The following ZFC3H1 variants were observed in gnomAD, a reference collection of about 807,000 sequenced individuals.
ZFC3H1 encodes zinc finger C3H1-type containing, also known as zinc finger C3H1 domain-containing protein.
A neutral mutation model predicts 243.7 loss-of-function variants in ZFC3H1; 71 were observed. The observed-to-expected ratio is 0.29, with a 90% confidence interval of 0.24 to 0.36. The LOEUF is 0.36. ZFC3H1 is among the 10% of genes least tolerant of loss of function. The pLI is 1.00. For missense variants in ZFC3H1, 1,966 were observed against 2,317.1 expected (o/e 0.85, Z 3.11); for synonymous variants, 838 against 813.0 (o/e 1.03, Z -0.52).
At chr12:71,624,605 A>G (rs894696865) in intron 22 of ZFC3H1, among the ~76,000 whole-genome samples, 2 of 152,228 alleles carry the variant, frequency 1.3e-5, no homozygotes, top group African/African-American at 2.4e-5. Flanking sequence ...TGAATATCCA[A>G]AAGTACACAT....
Position 71,616,867 on chromosome 12 carries a change from G to A in ZFC3H1, c.5145-1551C>T, listed in dbSNP as rs940726682. On this transcript the variant is annotated intron_variant, in intron 27 of 34. Transcript: ENST00000378743. ...GAGTTAATCCCTTAACTTCCTCACT[G>A]AAAACTGAGATGGTCAGAAGAGATG... Among the ~76,000 whole-genome samples, 6 of 152,094 alleles carry A rather than the reference G, an allele frequency of 3.9e-5. No homozygotes were observed. The South Asian group carries it at 8.3e-4, about 21-fold the overall frequency.
intron 24 of ZFC3H1, 97 bp from the exon 25 acceptor site, chr12:71,620,412 T>A (rs1879996890): frequency 8.1e-7 from 1 of 1,238,664 alleles, no homozygotes; most frequent in African/African-American, 1.5e-5. Context: ...TGGGAAAAGA[T>A]GACCCCTCCC....
intron 12 of ZFC3H1, 151 bp downstream of exon 12, chr12:71,634,004 T>A: frequency 1.3e-6 from 1 of 793,308 alleles, no homozygotes; most frequent in Non-Finnish European, 1.9e-6. Context: ...GTAAATGTAG[T>A]GTCATTCAAC....
At chr12:71,646,348 T>A (rs183497524) in intron 3 of ZFC3H1, among the ~76,000 whole-genome samples, 2 of 152,214 alleles carry the variant, frequency 1.3e-5, no homozygotes, top group South Asian at 4.1e-4. Context: ...GCTGTGCTGT[T>A]CAATATGGTA....
chr12:71,660,295 T>C (rs543187739), intron 1 of ZFC3H1: 8 of 152,312 alleles, frequency 5.3e-5, no homozygotes, highest in African/African-American at 1.7e-4. Context: ...TCACATTATA[T>C]AAAAGTAGCT....
chr12:71,637,259 A>T (rs17110055), intron 7 of ZFC3H1, among the ~76,000 whole-genome samples, 200 bp from the exon 8 acceptor site: 4,719 of 152,148 alleles, frequency 0.031, 205 homozygotes, highest in African/African-American at 0.11. Context: ...TTACAATTTT[A>T]AAAAAAATCA....
At chr12:71,658,806 T>A (rs1881089660) in intron 1 of ZFC3H1, among the ~76,000 whole-genome samples, 1 of 152,204 alleles carries the variant, frequency 6.6e-6, no homozygotes. Flanking sequence ...CTAGTAAATC[T>A]CTGGTTCTCT....
chr12:71,661,377 T>C (rs77881401), intron 1 of ZFC3H1, among the ~76,000 whole-genome samples: 2,006 of 152,202 alleles, frequency 0.013, 42 homozygotes, highest in African/African-American at 0.045. Context: ...GGATTCAAAA[T>C]AGACCACAAA....
In ZFC3H1 at chr12:71,638,476, G is replaced by A. The variant is rs1191536040; in HGVS notation, c.1667C>T (p.Ser556Leu). The A allele has an allele frequency of 3.1e-6, 5 of 1,612,472 alleles. No homozygotes were observed. The highest frequency in any genetic ancestry group is 4.2e-6 in the Non-Finnish European group (5 of 1,179,516). The stretch of plus-strand genomic sequence containing the variant: ...TGGTGCTGGAGAAAAATACCCCAAT[G>A]AACATTCAGAGAAAAATGGCGGTTG... ...PVQPPFFSEC[S>L]LGYFSPAPSL... The change falls in exon 7 of 35, where the codon TCA becomes TTA. Residue 556 changes from serine (S) to leucine (L), a missense_variant. Ser to Leu is a moderately radical substitution (Grantham distance 145, BLOSUM62 -2). Transcript: ENST00000378743.
At chr12:71,634,055 A>C in intron 12 of ZFC3H1, 100 bp downstream of exon 12, 1 of 1,229,584 alleles carries the variant, frequency 8.1e-7, no homozygotes, top group South Asian at 1.6e-5. Context: ...TTAAGTGAGA[A>C]AATGTATAAT....
Position 71,610,086 on chromosome 12 carries a change from A to T in ZFC3H1, c.*342T>A, listed in dbSNP as rs754914920. 8.5e-5 allele frequency: 14 copies of T among 164,398 alleles called. No individual in the cohort carries two copies. Among genetic ancestry groups the T allele is most frequent in the Admixed American group, 1.9e-4 (3 of 15,730 alleles). 10.2% of individuals were successfully genotyped at this position (164,398 alleles called of 1,614,324 possible). On this transcript the variant is annotated 3_prime_UTR_variant, in exon 35 of 35. Transcript: ENST00000378743. ...GGCATCAGAGAGTGTCAAGTGAGTCAGGAATAACACAAAATAAAGGAATGG... is the reference window on the plus strand; with the variant it reads ...GGCATCAGAGAGTGTCAAGTGAGTCTGGAATAACACAAAATAAAGGAATGG...
At chr12:71,655,225 A>C (rs1341774112) in intron 2 of ZFC3H1, among the ~76,000 whole-genome samples, 1 of 152,178 alleles carries the variant, frequency 6.6e-6, no homozygotes, top group Non-Finnish European at 1.5e-5. Context: ...ATTTTCTGAC[A>C]GTATGATTGA....
chr12:71,618,365 G>A (rs764613893), intron 27 of ZFC3H1, among the ~76,000 whole-genome samples: 24 of 151,418 alleles, frequency 1.6e-4, no homozygotes, highest in African/African-American at 3.9e-4. Flanking sequence ...TTCTATTTTC[G>A]CTCATCTGTA....
intron 20 of ZFC3H1, among the ~76,000 whole-genome samples, chr12:71,628,307 T>C (rs1253325923): frequency 2.6e-5 from 4 of 152,232 alleles, no homozygotes; most frequent in Non-Finnish European, 5.9e-5. Flanking sequence ...TTAAAAGTCA[T>C]AATTTATAAA....
chr12:71,615,175 A>T, intron 28 of ZFC3H1, 31 bp downstream of exon 28: 12 of 1,499,870 alleles, frequency 8.0e-6, no homozygotes, highest in Non-Finnish European at 1.0e-5. Context: ...CAGGCCTAGT[A>T]TGCAATATCT....
chr12:71,617,903 T>C lies in ZFC3H1; in HGVS notation c.5144+1412A>G, dbSNP rs1417161891. Reference sequence around the variant, plus strand: ...AAACTGGCTACCATAAGAGGACATATATAAAGACTCAAGTCTGGGAGGGAA... The same window carrying C: ...AAACTGGCTACCATAAGAGGACATACATAAAGACTCAAGTCTGGGAGGGAA... On this transcript the variant is annotated intron_variant, in intron 27 of 34. Coordinates refer to ENST00000378743, the MANE Select transcript of ZFC3H1 (RefSeq NM_144982.5). Among the ~76,000 whole-genome samples, 7 of 152,134 alleles carry C rather than the reference T, an allele frequency of 4.6e-5. No individual in the cohort carries two copies. The South Asian group carries it at 1.0e-3, about 22-fold the overall frequency.
intron 27 of ZFC3H1, 81 bp downstream of exon 27, chr12:71,619,234 C>A: frequency 7.8e-7 from 1 of 1,283,352 alleles, no homozygotes; most frequent in Non-Finnish European, 1.1e-6. Context: ...AAAATGTCAT[C>A]ATATAAGAAA....
At chr12:71,622,558 G>A (rs970391685) in intron 24 of ZFC3H1, among the ~76,000 whole-genome samples, 1 of 152,006 alleles carries the variant, frequency 6.6e-6, no homozygotes, top group Non-Finnish European at 1.5e-5. Flanking sequence ...CGCCTCCTGG[G>A]CTCAAGCGAT....
chr12:71,623,084 T>A (rs563520552), intron 24 of ZFC3H1, among the ~76,000 whole-genome samples: 1 of 151,328 alleles, frequency 6.6e-6, no homozygotes, highest in South Asian at 2.1e-4. Context: ...CAAACTTACA[T>A]AATTTATTTT....
Sources: allele counts gnomAD v4.1 joint callset (sites outside exome capture counted in the v4.1 genomes callset), GRCh38; gene constraint gnomAD v4.1.1; transcripts MANE v1.5; gene names NCBI Gene and HGNC (gene_info 2026-07-23, HGNC 2026-07-21).